The following THUMPD2 variants were observed in gnomAD, a reference collection of about 807,000 sequenced individuals.
THUMPD2 encodes THUMP domain 2 tRNA and snRNA guanosine methyltransferase.
THUMPD2 carries 56 observed loss-of-function variants against 49.4 expected under a neutral mutation model. The ratio of observed to expected loss-of-function variants is 1.13; its 90% CI spans 0.91 to 1.41. The LOEUF is 1.41. Ranked by LOEUF, THUMPD2 falls within the 40% of genes most tolerant of loss-of-function variation. THUMPD2 has a pLI of 0.00. For missense variants in THUMPD2, 709 were observed against 594.5 expected, an observed-to-expected ratio of 1.19 and a Z score of -2.00; for synonymous variants, 237 against 205.2, an observed-to-expected ratio of 1.15 and a Z score of -1.32.
chr2:39,779,263 C>A, upstream of THUMPD2: 1 of 1,433,086 alleles, frequency 7.0e-7, no homozygotes, highest in Non-Finnish European at 9.1e-7. Flanking sequence ...CGCCCTCGCG[C>A]CTTCGGGTCA....
chr2:39,751,436 A>G (rs755333050), intron 8 of THUMPD2, among the ~76,000 whole-genome samples: 2 of 152,198 alleles, frequency 1.3e-5, no homozygotes, highest in Non-Finnish European at 2.9e-5. Flanking sequence ...AGGAAAGAAA[A>G]TATTTCCTTT....
chr2:39,749,143 C>T (rs73924919), intron 8 of THUMPD2, among the ~76,000 whole-genome samples: 9,332 of 152,176 alleles, frequency 0.061, 493 homozygotes, highest in African/African-American at 0.14. Context: ...TAATTTTTAG[C>T]ATGATGTTGT....
In THUMPD2 at chr2:39,761,218, A is replaced by C. The variant is rs1676780727; in HGVS notation, c.891+113T>G. ...GGCAAAAAGAAAAGAAGTTAAAGAA[A>C]AAGCGTCAAGAAAAGAAAAAGCAAG... On this transcript the variant is annotated intron_variant, in intron 6 of 9. Transcript: ENST00000505747. 17 of 909,394 alleles carry C rather than the reference A, an allele frequency of 1.9e-5. 1 individual carries two copies. The South Asian group carries it at 3.0e-4, about 16-fold the overall frequency. The allele number at this position is 909,394 out of a possible 1,614,324, so 56.3% of individuals were successfully genotyped here.
intron 8 of THUMPD2, among the ~76,000 whole-genome samples, chr2:39,753,679 A>G (rs1675728343): frequency 6.6e-6 from 1 of 152,240 alleles, no homozygotes; most frequent in African/African-American, 2.4e-5. Flanking sequence ...TGCTCAAGCC[A>G]GAAAGCTTAG....
intron 9 of THUMPD2, among the ~76,000 whole-genome samples, chr2:39,740,497 G>T (rs549620909): frequency 3.9e-4 from 60 of 152,264 alleles, no homozygotes; most frequent in South Asian, 8.3e-4. Context: ...TTGTAATTTT[G>T]TTCAAATAAT....
At chr2:39,776,862 T>G (rs1381175764) in intron 1 of THUMPD2, among the ~76,000 whole-genome samples, 1 of 152,228 alleles carries the variant, frequency 6.6e-6, no homozygotes, top group Non-Finnish European at 1.5e-5. Flanking sequence ...TCAGCCACCC[T>G]ACTAAAAGAA....
chr2:39,757,467 T>G (rs540522238), intron 6 of THUMPD2: 1 of 1,235,420 alleles, frequency 8.1e-7, no homozygotes, highest in African/African-American at 1.6e-5. Context: ...GAAGGGGCAG[T>G]AAGGAGCAGA....
chr2:39,762,272 A>T (rs1215465172), intron 5 of THUMPD2, among the ~76,000 whole-genome samples: 1 of 152,170 alleles, frequency 6.6e-6, no homozygotes, highest in East Asian at 1.9e-4. Flanking sequence ...TTCTACGAAC[A>T]TTACGGAAAG....
rs756787456 is a variant in THUMPD2 at position 39,768,505 on chromosome 2, G to A, written c.673-4C>T. 35 of 1,606,942 alleles carry A rather than the reference G, an allele frequency of 2.2e-5. No individual in the cohort carries two copies. In the African/African-American group the frequency reaches 4.0e-4, roughly 18 times the overall value. Reference sequence around the variant, plus strand: ...TTCCAATTACTTTTCCTACCTCCTGGAAAAGTACCAAGTTAAAGAAAAGAA... The same window carrying A: ...TTCCAATTACTTTTCCTACCTCCTGAAAAAGTACCAAGTTAAAGAAAAGAA... On this transcript the variant is annotated splice_region_variant and splice_polypyrimidine_tract_variant and intron_variant, in intron 3 of 9. Coordinates refer to ENST00000505747, the MANE Select transcript of THUMPD2 (RefSeq NM_025264.5).
At chr2:39,742,362 G>A (rs1003846580) in intron 9 of THUMPD2, among the ~76,000 whole-genome samples, 2 of 152,148 alleles carry the variant, frequency 1.3e-5, no homozygotes, top group Non-Finnish European at 2.9e-5. Context: ...TGATTCTTAA[G>A]TATTTAAATA....
intron 9 of THUMPD2, among the ~76,000 whole-genome samples, chr2:39,741,017 T>A (rs1360689959): frequency 1.3e-5 from 2 of 152,172 alleles, no homozygotes; most frequent in Admixed American, 6.5e-5. Context: ...CAGAAACACA[T>A]AATTTCTTAC....
intron 1 of THUMPD2, among the ~76,000 whole-genome samples, chr2:39,775,932 C>T (rs1679036861): frequency 6.6e-6 from 1 of 152,056 alleles, no homozygotes; most frequent in African/African-American, 2.4e-5. Flanking sequence ...CATTAAAAAA[C>T]AAAAATTTAT....
At chr2:39,745,435 G>A (rs1261496211) in intron 8 of THUMPD2, among the ~76,000 whole-genome samples, 2 of 152,152 alleles carry the variant, frequency 1.3e-5, no homozygotes, top group Non-Finnish European at 2.9e-5. Context: ...TTTAAGCTGA[G>A]ACAGGAATTC....
At chr2:39,739,324 A>G (rs567078145) in intron 9 of THUMPD2, among the ~76,000 whole-genome samples, 1 of 152,150 alleles carries the variant, frequency 6.6e-6, no homozygotes, top group Non-Finnish European at 1.5e-5. Context: ...AAACTCACCA[A>G]GCTGCTTCTC....
At chr2:39,762,130 T>G (rs1676897884) in intron 5 of THUMPD2, among the ~76,000 whole-genome samples, 1 of 152,180 alleles carries the variant, frequency 6.6e-6, no homozygotes, top group African/African-American at 2.4e-5. Flanking sequence ...CAGAATCTCC[T>G]TGGAAATTAC....
intron 6 of THUMPD2, chr2:39,757,435 GAATATCACAC>G (rs1676289697): frequency 8.5e-6 from 11 of 1,298,972 alleles, no homozygotes; most frequent in Non-Finnish European, 1.1e-5. Context: ...ATTTTAAAGA[GAATATCACAC>G]AAATCCCCCA....
intron 9 of THUMPD2, among the ~76,000 whole-genome samples, chr2:39,743,527 G>C (rs1262007072): frequency 6.6e-6 from 1 of 152,192 alleles, no homozygotes; most frequent in Non-Finnish European, 1.5e-5. Context: ...CTAATGGGAA[G>C]TATTTGGATT....
chr2:39,755,808 A>C (rs1676032344), intron 7 of THUMPD2, 81 bp downstream of exon 7: 2 of 1,141,758 alleles, frequency 1.8e-6, no homozygotes, highest in South Asian at 2.7e-5. Flanking sequence ...TAGACATTCT[A>C]CTTGTAAATA....
At chr2:39,770,194 C>T (rs756211021) in intron 2 of THUMPD2, 75 bp from the exon 3 acceptor site, 579 of 1,026,790 alleles carry the variant, frequency 5.6e-4, no homozygotes, top group Non-Finnish European at 7.2e-4. Flanking sequence ...CCCTCAAACT[C>T]AATTACCTTT....
Sources: gnomAD v4.1 joint callset for allele counts (sites outside exome capture counted in the v4.1 genomes callset) on GRCh38, gnomAD v4.1.1 for gene constraint, MANE v1.5 for transcripts, NCBI Gene and HGNC (gene_info 2026-07-23, HGNC 2026-07-21) for gene names.